Variants in NAALADL2 observed in about 807,000 individuals in gnomAD.
The protein encoded by NAALADL2 is N-acetylated alpha-linked acidic dipeptidase like 2.
A neutral mutation model predicts 87.2 loss-of-function variants in NAALADL2; 76 were observed. That is an observed-to-expected ratio of 0.87 (90% CI 0.72 to 1.05). The LOEUF (loss-of-function observed/expected upper bound fraction) is 1.05, where lower values mean the gene tolerates loss of function less well. Ranked by LOEUF, NAALADL2 falls within the 50% of genes least tolerant of loss-of-function variation. The pLI, the probability that NAALADL2 is intolerant of heterozygous loss-of-function variation, is 0.00. For synonymous variants in NAALADL2, 354 were observed against 331.0 expected (o/e 1.07, Z -0.75); for missense variants, 1,089 against 945.8 (o/e 1.15, Z -1.99).
At chr3:174,975,982 G>A (rs1744306135) in intron 1 of NAALADL2, among the ~76,000 whole-genome samples, 1 of 152,172 alleles carries the variant, frequency 6.6e-6, no homozygotes, top group Non-Finnish European at 1.5e-5. Flanking sequence ...TTGACTCACT[G>A]AAACTGAGAT....
chr3:175,440,245 T>C (rs1302275758), intron 5 of NAALADL2, among the ~76,000 whole-genome samples: 1 of 152,208 alleles, frequency 6.6e-6, no homozygotes, highest in African/African-American at 2.4e-5. Context: ...TTGATCTATA[T>C]GTCTGTCTTA....
intron 1 of NAALADL2, among the ~76,000 whole-genome samples, chr3:174,866,178 CATTT>C (rs1727118273): frequency 6.6e-6 from 1 of 151,800 alleles, no homozygotes; most frequent in African/African-American, 2.4e-5. Flanking sequence ...AAATTGAAAT[CATTT>C]CTATAGAGGA....
chr3:174,590,295 A>G (rs987055627), intron 2 of NAALADL2, among the ~76,000 whole-genome samples: 1 of 152,132 alleles, frequency 6.6e-6, no homozygotes, highest in East Asian at 1.9e-4. Context: ...TGAACCATAT[A>G]GAAGTACATA....
At chr3:175,039,291 T>C (rs999693845) in intron 1 of NAALADL2, among the ~76,000 whole-genome samples, 1 of 152,080 alleles carries the variant, frequency 6.6e-6, no homozygotes, top group African/African-American at 2.4e-5. Flanking sequence ...CTCAGCCTCC[T>C]GAGTAGCTGG....
chr3:174,661,579 T>C (rs1725510343), intron 2 of NAALADL2, among the ~76,000 whole-genome samples: 1 of 151,548 alleles, frequency 6.6e-6, no homozygotes, highest in Non-Finnish European at 1.5e-5. Context: ...TCTGTCTTCC[T>C]TTTTTAATGT....
At chr3:174,772,681 G>A (rs889683249) in intron 3 of NAALADL2, among the ~76,000 whole-genome samples, 22 of 152,082 alleles carry the variant, frequency 1.4e-4, no homozygotes, top group African/African-American at 3.9e-4. Context: ...ATTAATTTAC[G>A]TGAATGAAGT....
At chr3:175,064,432 A>G (rs1714164839) in intron 1 of NAALADL2, among the ~76,000 whole-genome samples, 1 of 152,090 alleles carries the variant, frequency 6.6e-6, no homozygotes, top group Admixed American at 6.6e-5. Context: ...GATGTAGGCA[A>G]TTTTAGGCAA....
At chr3:175,256,928 A>G (rs974762194) in intron 4 of NAALADL2, 5 of 152,810 alleles carry the variant, frequency 3.3e-5, no homozygotes, top group African/African-American at 1.2e-4. Context: ...ACTAATTATC[A>G]TGTTCTCTAT....
chr3:174,845,884 G>T (rs955709992), intron 3 of NAALADL2, among the ~76,000 whole-genome samples: 41 of 152,320 alleles, frequency 2.7e-4, no homozygotes, highest in African/African-American at 8.9e-4. Context: ...CTTAGGAATG[G>T]ACGAGGTTGG....
chr3:175,264,061 A>G (rs1174615605), intron 4 of NAALADL2, among the ~76,000 whole-genome samples: 1 of 151,768 alleles, frequency 6.6e-6, no homozygotes, highest in African/African-American at 2.4e-5. Context: ...CAGCCCTTCC[A>G]ATCTTCTGTA....
At chr3:175,236,661 G>T (rs1745949944) in intron 3 of NAALADL2, among the ~76,000 whole-genome samples, 1 of 152,146 alleles carries the variant, frequency 6.6e-6, no homozygotes, top group African/African-American at 2.4e-5. Context: ...AATAATGGAG[G>T]TGGTGGTGGA....
chr3:175,499,785 C>A (rs1436721677), intron 9 of NAALADL2, among the ~76,000 whole-genome samples: 1 of 151,986 alleles, frequency 6.6e-6, no homozygotes, highest in East Asian at 1.9e-4. Context: ...CAGTATTAGT[C>A]ATTTCCTCAA....
intron 13 of NAALADL2, among the ~76,000 whole-genome samples, chr3:175,796,549 C>G (rs1038012366): frequency 6.6e-6 from 1 of 152,166 alleles, no homozygotes; most frequent in Non-Finnish European, 1.5e-5. Flanking sequence ...TGTGCATTCT[C>G]ATGGACGTAG....
intron 3 of NAALADL2, among the ~76,000 whole-genome samples, chr3:174,776,996 A>G (rs1342023797): frequency 1.3e-5 from 2 of 152,160 alleles, no homozygotes; most frequent in Non-Finnish European, 2.9e-5. Context: ...AAAGCTATAT[A>G]TAATGAGTAA....
rs747838814 is a variant in NAALADL2 at position 175,094,756 on chromosome 3, T to TGTGTGTGTG, written c.44-2034_44-2033insGTGTGTGTG. ...GTTAAAAAAAAAGCACCAGACACTA[T>TGTGTGTGTG]AGTGTGTGTGTGTGTGTGTGTGTGT... On this transcript the variant is annotated intron_variant, in intron 1 of 13. Transcript: ENST00000454872. Among the ~76,000 whole-genome samples, 1,073 of 129,862 alleles carry TGTGTGTGTG rather than the reference T, an allele frequency of 8.3e-3. 8 individuals are homozygous for TGTGTGTGTG. The highest frequency in any genetic ancestry group is 0.011 in the Non-Finnish European group (707 of 63,366). 85.2% of individuals were successfully genotyped at this position (129,862 alleles called of 152,430 possible). A position where few individuals can be genotyped will look rare whatever the true frequency, so the allele number is the denominator to read the frequency against.
intron 2 of NAALADL2, among the ~76,000 whole-genome samples, chr3:174,609,852 C>T (rs1449705146): frequency 6.6e-6 from 1 of 152,082 alleles, no homozygotes; most frequent in Non-Finnish European, 1.5e-5. Context: ...GCCCGCATCG[C>T]CAAGTCAATC....
intron 1 of NAALADL2, among the ~76,000 whole-genome samples, chr3:175,080,012 C>T (rs978331054): frequency 6.6e-6 from 1 of 151,764 alleles, no homozygotes; most frequent in African/African-American, 2.4e-5. Flanking sequence ...GTCACCCAGG[C>T]TAGAGTGCAG....
chr3:175,250,902 A>G (rs945904045), intron 3 of NAALADL2, among the ~76,000 whole-genome samples: 6 of 152,182 alleles, frequency 3.9e-5, no homozygotes, highest in Admixed American at 1.3e-4. Context: ...TCATTATAAC[A>G]TGGGATCCCT....
intron 3 of NAALADL2, among the ~76,000 whole-genome samples, chr3:175,245,835 T>G (rs1195214803): frequency 2.6e-5 from 4 of 152,220 alleles, no homozygotes; most frequent in Non-Finnish European, 5.9e-5. Flanking sequence ...GAGGTCCATT[T>G]TAACTGACTA....
Sources: allele counts gnomAD v4.1 joint callset (sites outside exome capture counted in the v4.1 genomes callset), GRCh38; gene constraint gnomAD v4.1.1; transcripts MANE v1.5; gene names NCBI Gene and HGNC (gene_info 2026-07-23, HGNC 2026-07-21).